The following SPTBN5 variants were observed in gnomAD, a reference collection of about 807,000 sequenced individuals.
The protein encoded by SPTBN5 is spectrin beta, non-erythrocytic 5, also known as spectrin beta chain, non-erythrocytic 5.
A neutral mutation model predicts 477.6 loss-of-function variants in SPTBN5; 513 were observed. The observed-to-expected ratio is 1.07, with a 90% confidence interval of 1.00 to 1.16. SPTBN5 has a LOEUF of 1.16. Among genes scored for constraint, SPTBN5 ranks in the 50% most tolerant of loss-of-function variants. The pLI is 0.00. For missense variants in SPTBN5, 5,062 were observed against 4,731.8 expected, an observed-to-expected ratio of 1.07 and a Z score of -2.05; for synonymous variants, 2,169 against 2,011.7, an observed-to-expected ratio of 1.08 and a Z score of -2.09.
Position 41,860,664 on chromosome 15 carries a change from G to A in SPTBN5, c.7910C>T (p.Ala2637Val), listed in dbSNP as rs190466851. 3.8e-5 allele frequency: 59 copies of A among 1,571,400 alleles called. No individual in the cohort carries two copies. The African/African-American group carries it at 6.5e-4, about 17-fold the overall frequency. ...ACCCTGGTGCAGGCCGCGGGCCGTG[G>A]CCTCCAGAGCACTGATCTTTCCCGC... is the stretch of plus-strand genomic sequence containing the variant. The part of the protein sequence containing the change: ...VQAGKISALE[A>V]TARGLHQGGH... The change falls in exon 47 of 68, where the codon GCC becomes GTC. Residue 2637 changes from alanine (A) to valine (V), a missense_variant. By Grantham distance (64) the Ala-to-Val change is moderately conservative. Coordinates refer to ENST00000320955, the MANE Select transcript of SPTBN5 (RefSeq NM_016642.4).
chr15:41,864,709 G>T (rs28662959), intron 39 of SPTBN5, among the ~76,000 whole-genome samples: 2,693 of 152,296 alleles, frequency 0.018, 85 homozygotes, highest in African/African-American at 0.062. Context: ...CCTGGGGTTT[G>T]GGTGTCCCCA....
In SPTBN5 at chr15:41,860,751, A is replaced by C; in HGVS notation, c.7823T>G (p.Leu2608Trp). The change falls in exon 47 of 68, where the codon TTG (leucine) becomes TGG (tryptophan). Residue 2608 changes from leucine to tryptophan, a missense_variant. Transcript: ENST00000320955. ...CCACAGAAGGGGCTCCATGGGGGCC[A>C]AGGGGTCCTGGTGGGAGTGGGGAAC... ...SLASEGLWDP[L>W]APMEPLLWKH... The C allele has an allele frequency of 1.9e-6, 3 of 1,587,460 alleles. No homozygotes were observed. Among genetic ancestry groups the C allele is most frequent in the Non-Finnish European group, 2.6e-6 (3 of 1,168,078 alleles).
rs372449171 is a variant in SPTBN5, at chr15:41,867,047, C to T, written c.6392G>A (p.Arg2131Gln). Reference protein sequence around the residue: ...RDRLPILLQRRMRVKELAESR... With the variant: ...RDRLPILLQRQMRVKELAESR... ...CTCCGCCAGCTCCTTCACTCTCATC[C>T]GGCGCTGCAGCAGGATGGGAAGCCG... The change falls in exon 36 of 68, where the codon CGG becomes CAG. Residue 2131 changes from arginine to glutamine, a missense_variant. Transcript: ENST00000320955. The T allele has an allele frequency of 6.4e-6, 10 of 1,552,548 alleles. No individual in the cohort carries two copies. The highest frequency in any genetic ancestry group is 4.9e-5 in the East Asian group (2 of 41,180).
At chr15:41,849,768 A>G in intron 67 of SPTBN5, 101 bp downstream of exon 67, 1 of 894,402 alleles carries the variant, frequency 1.1e-6, no homozygotes, top group East Asian at 2.6e-5. Context: ...AGCCCAACAG[A>G]GTAAGTCTGA....
chr15:41,881,947 ACGCCCGGGCCGAGGC>A lies in SPTBN5; in HGVS notation c.2431_2445del (p.Ala811_Ala815del). On this transcript the variant is annotated inframe_deletion, in exon 12 of 68. Transcript: ENST00000320955. ...GTCCCCGTCCTCACCGTGAATAACGACGCCCGGGCCGAGGCCGCCCGCCCCTGCTCCTCCAGCCGC... is the reference window on the plus strand; with the variant it reads ...GTCCCCGTCCTCACCGTGAATAACGACGCCCGCCCCTGCTCCTCCAGCCGC... 1 of 1,527,434 alleles carries A rather than the reference ACGCCCGGGCCGAGGC, an allele frequency of 6.5e-7. No individual in the cohort carries two copies. Among genetic ancestry groups the A allele is most frequent in the Non-Finnish European group, 8.7e-7 (1 of 1,146,080 alleles). 94.6% of individuals were successfully genotyped at this position (1,527,434 alleles called of 1,614,324 possible). A position where few individuals can be genotyped will look rare whatever the true frequency, so the allele number is the denominator to read the frequency against.
At chr15:41,863,281 T>G (rs1001317039) in intron 41 of SPTBN5, among the ~76,000 whole-genome samples, 1 of 152,228 alleles carries the variant, frequency 6.6e-6, no homozygotes, top group African/African-American at 2.4e-5. Context: ...AGCACTTGTT[T>G]CACACAAGGG....
At chr15:41,852,771 G>GGT in intron 60 of SPTBN5, 36 bp from the exon 61 acceptor site, 9 of 1,570,154 alleles carry the variant, frequency 5.7e-6, no homozygotes, top group Non-Finnish European at 8.5e-7. Flanking sequence ...GCCCAGCTTG[G>GGT]GGGGGGGGGC....
chr15:41,869,841 C>T lies in SPTBN5; in HGVS notation c.5853G>A (p.Ala1951=), dbSNP rs374908191. 7.7e-6 allele frequency: 12 copies of T among 1,555,352 alleles called. No individual in the cohort carries two copies. The highest frequency in any genetic ancestry group is 6.8e-5 in the African/African-American group (5 of 73,002). ...RARLLARFRT[A]VRDYASWAAR... ...CCACCCAAAGGGCAGGAGCCCTCACCGCCGTGCGGAAGCGGGCCAGGAGGC... is the reference window on the plus strand; with the variant it reads ...CCACCCAAAGGGCAGGAGCCCTCACTGCCGTGCGGAAGCGGGCCAGGAGGC... The change falls in exon 32 of 68, where the codon GCG becomes GCA. Residue 1951 remains alanine (A), a splice_region_variant and synonymous_variant. Transcript: ENST00000320955.
chr15:41,891,840 A>G (rs1182032017), intron 3 of SPTBN5, among the ~76,000 whole-genome samples: 1 of 152,154 alleles, frequency 6.6e-6, no homozygotes, highest in Non-Finnish European at 1.5e-5. Flanking sequence ...TCTAGACCAC[A>G]GTTGCCTCCT....
chr15:41,856,630 T>A (rs2140918357), intron 52 of SPTBN5, 32 bp from the exon 53 acceptor site: 1 of 1,530,236 alleles, frequency 6.5e-7, no homozygotes, highest in Non-Finnish European at 8.8e-7. Context: ...GATGCGGATG[T>A]TGCTGACCCT....
At chr15:41,849,809 G>T in intron 67 of SPTBN5, 60 bp downstream of exon 67, 1 of 1,322,660 alleles carries the variant, frequency 7.6e-7, no homozygotes, top group Non-Finnish European at 1.1e-6. Context: ...AGAGGACAGC[G>T]CCTGCCAGCC....
At chr15:41,869,316 C>G (rs549592033) in intron 32 of SPTBN5, among the ~76,000 whole-genome samples, 1 of 152,198 alleles carries the variant, frequency 6.6e-6, no homozygotes. Context: ...TCTGCCAGGT[C>G]CCAGGACAGT....
Position 41,883,373 on chromosome 15 carries a change from G to A in SPTBN5, c.1634C>T (p.Ala545Val), listed in dbSNP as rs926341635. The A allele has an allele frequency of 3.1e-6, 5 of 1,613,398 alleles. No individual in the cohort carries two copies. ...CTGCAGCTCCTCCAGCTGGTGGGAG[G>A]CAGCCTCCACCTCCTGCAGCAGGCT... ...VLSLLQEVEA[A>V]SHQLEELQEP... The change falls in exon 8 of 68, where the codon GCC (alanine) becomes GTC (valine). Residue 545 changes from alanine to valine, a missense_variant. Coordinates refer to ENST00000320955, the MANE Select transcript of SPTBN5 (RefSeq NM_016642.4).
Position 41,868,515 on chromosome 15 carries a change from C to T in SPTBN5, c.5940G>A (p.Leu1980=), listed in dbSNP as rs1276280232. 3 of 1,610,048 alleles carry T rather than the reference C, an allele frequency of 1.9e-6. No homozygotes were observed. The highest frequency in any genetic ancestry group is 1.7e-4 in the Middle Eastern group (1 of 6,060). The stretch of plus-strand genomic sequence containing the variant: ...GGAGCCACTGGTGGGCACTGAGCTT[C>T]AGCGGGCCACTGCTAGGCTCTTGCG... The part of the protein sequence containing the change: ...ESSQEPSSGP[L]KLSAHQWLRA... Residue 1980 remains leucine, a synonymous_variant, in exon 33 of 68, where the codon CTG becomes CTA. Transcript: ENST00000320955.
chr15:41,869,474 G>C (rs1480382955), intron 32 of SPTBN5, among the ~76,000 whole-genome samples: 3 of 152,178 alleles, frequency 2.0e-5, no homozygotes, highest in Admixed American at 2.0e-4. Context: ...CTCCACCCGT[G>C]GCTTCAGCAG....
In SPTBN5 at chr15:41,877,144, T is replaced by G. The variant is rs199546756; in HGVS notation, c.3683A>C (p.Gln1228Pro). The change falls in exon 18 of 68, where the codon CAG becomes CCG. Residue 1228 changes from glutamine (Q) to proline (P), a missense_variant. Coordinates refer to ENST00000320955, the MANE Select transcript of SPTBN5 (RefSeq NM_016642.4). ...DGFTATCANHQAWLHLDNLGE... is the reference protein window; with the variant it reads ...DGFTATCANHPAWLHLDNLGE... The stretch of plus-strand genomic sequence containing the variant: ...AAGGTTGTCCAGGTGCAGCCAGGCC[T>G]GGTGGTTGGCACAGGTGGCAGTGAA... The G allele has an allele frequency of 4.3e-6, 7 of 1,613,838 alleles. No homozygotes were observed. Among genetic ancestry groups the G allele is most frequent in the Non-Finnish European group, 5.9e-6 (7 of 1,179,876 alleles).
At position 41,883,089 on chromosome 15, in the gene SPTBN5, T is replaced by C; in HGVS notation, c.1799A>G (p.Asp600Gly). The C allele has an allele frequency of 1.9e-6, 3 of 1,602,978 alleles. No homozygotes were observed. The highest frequency in any genetic ancestry group is 2.6e-6 in the Non-Finnish European group (3 of 1,175,386). ...SHLAQQTAEL[D>G]SSLGTSVEVL... ...CTCCACACTGGTGCCCAGGGAGGAG[T>C]CCAGCTCTGCTGTCTGCTGAGCAAG... Residue 600 changes from aspartate (D) to glycine (G), a missense_variant, in exon 9 of 68, where the codon GAC becomes GGC. Coordinates refer to ENST00000320955, the MANE Select transcript of SPTBN5 (RefSeq NM_016642.4).
chr15:41,856,328 C>G, intron 53 of SPTBN5, 58 bp downstream of exon 53: 1 of 1,433,784 alleles, frequency 7.0e-7, no homozygotes, highest in Non-Finnish European at 9.3e-7. Flanking sequence ...GACCTCCCAG[C>G]CGCACTCGCC....
At chr15:41,860,304 T>C (rs1323499170) in intron 47 of SPTBN5, among the ~76,000 whole-genome samples, 1 of 152,244 alleles carries the variant, frequency 6.6e-6, no homozygotes, top group African/African-American at 2.4e-5. Flanking sequence ...TTTCGTGAGA[T>C]GATTTCCTCT....
Sources: gnomAD v4.1 joint callset for allele counts (sites outside exome capture counted in the v4.1 genomes callset) on GRCh38, gnomAD v4.1.1 for gene constraint, MANE v1.5 for transcripts, NCBI Gene and HGNC (gene_info 2026-07-23, HGNC 2026-07-21) for gene names.